The following BLTP3A variants were observed in gnomAD, a reference collection of about 807,000 sequenced individuals.
The protein encoded by BLTP3A is ICBP90 binding protein 1.
the BLTP3A span, among the ~76,000 whole-genome samples, chr6:34,825,862 T>C: frequency 6.6e-6 from 1 of 152,172 alleles, no homozygotes; most frequent in African/African-American, 2.4e-5. Context: ...TTATGAATAA[T>C]GCTGCTGTGA....
the BLTP3A span, among the ~76,000 whole-genome samples, chr6:34,844,156 G>A: frequency 6.6e-6 from 1 of 151,630 alleles, no homozygotes; most frequent in Non-Finnish European, 1.5e-5. Flanking sequence ...AATTTTTTTT[G>A]TATTTTTAGT....
At chr6:34,853,917 T>C in the BLTP3A span, among the ~76,000 whole-genome samples, 1 of 152,170 alleles carries the variant, frequency 6.6e-6, no homozygotes, top group African/African-American at 2.4e-5. Flanking sequence ...CAAATAATTT[T>C]AAGAAATTAA....
chr6:34,821,522 G>T, the BLTP3A span: 1 of 881,334 alleles, frequency 1.1e-6, no homozygotes, highest in Admixed American at 2.9e-5. Context: ...CACTCCCACT[G>T]CTTCACTTGA....
chr6:34,838,024 A>G, the BLTP3A span, among the ~76,000 whole-genome samples: 13 of 152,246 alleles, frequency 8.5e-5, no homozygotes, highest in African/African-American at 2.7e-4. Flanking sequence ...TCTGTAATCC[A>G]TACTAAGATG....
At chr6:34,871,090 C>A in the BLTP3A span, 1 of 1,614,012 alleles carries the variant, frequency 6.2e-7, no homozygotes, top group Non-Finnish European at 8.5e-7. Context: ...GCAGATTGAG[C>A]TTCTGAACTC....
At chr6:34,871,398 A>G in the BLTP3A span, among the ~76,000 whole-genome samples, 4 of 152,334 alleles carry the variant, frequency 2.6e-5, no homozygotes, top group South Asian at 6.2e-4. Context: ...TGTGCAAGCC[A>G]TCAGGTTATC....
the BLTP3A span, among the ~76,000 whole-genome samples, chr6:34,815,816 TTG>T: frequency 4.6e-5 from 7 of 151,952 alleles, no homozygotes; most frequent in African/African-American, 1.7e-4. Flanking sequence ...GCTAATTTTT[TTG>T]TGATTTTTTA....
chr6:34,792,965 C>T, the BLTP3A span, among the ~76,000 whole-genome samples: 1 of 152,198 alleles, frequency 6.6e-6, no homozygotes. Flanking sequence ...CTTTTTCCCT[C>T]TTTTGCTTTT....
At chr6:34,825,950 G>A in the BLTP3A span, among the ~76,000 whole-genome samples, 3 of 152,038 alleles carry the variant, frequency 2.0e-5, no homozygotes, top group South Asian at 6.2e-4. Flanking sequence ...GGTATTTAGG[G>A]GAGGATTTAA....
At chr6:34,868,615 T>C in the BLTP3A span, among the ~76,000 whole-genome samples, 1 of 151,754 alleles carries the variant, frequency 6.6e-6, no homozygotes, top group South Asian at 2.1e-4. Flanking sequence ...TCCCAGCTAC[T>C]TGGGAGGCTG....
the BLTP3A span, among the ~76,000 whole-genome samples, chr6:34,862,116 C>G: frequency 6.6e-6 from 1 of 152,098 alleles, no homozygotes; most frequent in South Asian, 2.1e-4. Flanking sequence ...CGGTGGCTCA[C>G]GCTTGTAATC....
the BLTP3A span, among the ~76,000 whole-genome samples, chr6:34,828,006 A>G: frequency 8.6e-3 from 1,310 of 152,262 alleles, 20 homozygotes; most frequent in African/African-American, 0.027. Context: ...ATTTTTAGCT[A>G]TGTAAAATTA....
chr6:34,798,594 C>CTTTTTT, the BLTP3A span, among the ~76,000 whole-genome samples: 9,460 of 93,290 alleles, frequency 0.1, 448 homozygotes, highest in African/African-American at 0.15. Context: ...TTCTTTCTTT[C>CTTTTTT]TTTTTTTTTT....
chr6:34,858,662 CTA>C, the BLTP3A span: 1 of 1,614,218 alleles, frequency 6.2e-7, no homozygotes, highest in Non-Finnish European at 8.5e-7. Flanking sequence ...GCCCCTGACT[CTA>C]TGTCCCATCC....
chr6:34,808,350 A>AAAAT, the BLTP3A span, among the ~76,000 whole-genome samples: 1 of 149,166 alleles, frequency 6.7e-6, no homozygotes. Context: ...CCGTCTCAAA[A>AAAAT]AAAAAAAAAA....
chr6:34,802,480 C>G, the BLTP3A span, among the ~76,000 whole-genome samples: 16 of 152,206 alleles, frequency 1.1e-4, no homozygotes, highest in South Asian at 3.1e-3. Context: ...AGCGATTCTC[C>G]CGCCTCAGCC....
the BLTP3A span, chr6:34,856,460 A>G: frequency 1.3e-6 from 2 of 1,578,868 alleles, no homozygotes; most frequent in Non-Finnish European, 1.7e-6. Flanking sequence ...CTTGCCATTT[A>G]TCTTTGAATA....
the BLTP3A span, among the ~76,000 whole-genome samples, chr6:34,855,170 G>C: frequency 6.6e-6 from 1 of 152,180 alleles, no homozygotes; most frequent in Non-Finnish European, 1.5e-5. Context: ...CAGAGCTTTA[G>C]CTCTGAGGCC....
At chr6:34,823,213 G>A in the BLTP3A span, 3 of 1,489,892 alleles carry the variant, frequency 2.0e-6, no homozygotes, top group Non-Finnish European at 1.9e-6. Flanking sequence ...TGTGCTGTGT[G>A]TGTATTTGTG....
Sources: allele counts gnomAD v4.1 joint callset (sites outside exome capture counted in the v4.1 genomes callset), GRCh38; gene constraint gnomAD v4.1.1; transcripts MANE v1.5; gene names NCBI Gene and HGNC (gene_info 2026-07-23, HGNC 2026-07-21).